FMNL2: variants seen among roughly 807,000 people sequenced by gnomAD.
FMNL2 encodes formin like 2, also known as formin-like protein 2.
FMNL2 carries 51 observed loss-of-function variants against 130.2 expected under a neutral mutation model. The observed-to-expected ratio is 0.39, with a 90% CI of 0.31 to 0.49. FMNL2 has a LOEUF of 0.49. FMNL2 is among the 20% of genes least tolerant of loss of function. The pLI is 0.85. For missense variants in FMNL2, 977 were observed against 1,316.2 expected (o/e 0.74, Z 3.99); for synonymous variants, 465 against 467.1 (o/e 1.00, Z 0.06).
chr2:152,396,654 A>G (rs1361054594), intron 1 of FMNL2, among the ~76,000 whole-genome samples: 15 of 152,136 alleles, frequency 9.9e-5, no homozygotes, highest in Non-Finnish European at 1.9e-4. Context: ...TATCCAGTTA[A>G]CAAGTATGTT....
intron 10 of FMNL2, 44 bp downstream of exon 10, chr2:152,607,457 C>CT (rs35268946): frequency 2.4e-6 from 3 of 1,257,190 alleles, no homozygotes; most frequent in South Asian, 2.5e-5. Context: ...AGTTTCAATA[C>CT]TTTTTTTCTA....
chr2:152,426,298 A>C (rs1034696227), intron 1 of FMNL2, among the ~76,000 whole-genome samples: 1 of 152,212 alleles, frequency 6.6e-6, no homozygotes, highest in African/African-American at 2.4e-5. Flanking sequence ...CAGACAGGGT[A>C]CTTGTGTATT....
intron 1 of FMNL2, among the ~76,000 whole-genome samples, chr2:152,452,828 A>T (rs777020445): frequency 4.3e-5 from 6 of 141,090 alleles, no homozygotes; most frequent in Non-Finnish European, 4.9e-5. Context: ...TAGCCATGGA[A>T]GCAGCAGTGT....
chr2:152,581,746 A>G (rs529698807), intron 9 of FMNL2, among the ~76,000 whole-genome samples: 20 of 152,298 alleles, frequency 1.3e-4, no homozygotes, highest in African/African-American at 3.8e-4. Flanking sequence ...CCCCTGGTAT[A>G]TGCCTGACAT....
At chr2:152,445,445 C>T (rs1471374124) in intron 1 of FMNL2, among the ~76,000 whole-genome samples, 1 of 152,154 alleles carries the variant, frequency 6.6e-6, no homozygotes, top group Non-Finnish European at 1.5e-5. Flanking sequence ...ATAATCTGTG[C>T]CGAGTAACCA....
At chr2:152,490,432 A>G (rs544136427) in intron 1 of FMNL2, among the ~76,000 whole-genome samples, 29 of 152,044 alleles carry the variant, frequency 1.9e-4, no homozygotes, top group South Asian at 2.1e-4. Context: ...ACAGTTTATG[A>G]TCTTCCCTAA....
rs748834592 is a variant in FMNL2 at position 152,578,868 on chromosome 2, T to A, written c.706-20T>A. On this transcript the variant is annotated intron_variant, in intron 7 of 25. Coordinates refer to ENST00000288670, the MANE Select transcript of FMNL2 (RefSeq NM_052905.4). ...TCTCCCAATGCTTTGTGTTTCTTTT[T>A]TTTTCCATGTTAATTTTAGTATGGT... 2.5e-6 allele frequency: 4 copies of A among 1,599,608 alleles called. No homozygotes were observed. In the South Asian group the frequency reaches 4.5e-5, roughly 18 times the overall value.
chr2:152,404,119 T>C (rs1017163539), intron 1 of FMNL2, among the ~76,000 whole-genome samples: 2 of 152,212 alleles, frequency 1.3e-5, no homozygotes, highest in African/African-American at 4.8e-5. Context: ...TATCAATCCA[T>C]ACCCCCCGCC....
At chr2:152,447,105 T>C (rs1688384242) in intron 1 of FMNL2, among the ~76,000 whole-genome samples, 1 of 152,148 alleles carries the variant, frequency 6.6e-6, no homozygotes, top group South Asian at 2.1e-4. Context: ...AACTCACTTT[T>C]TTTTTTTTTG....
At chr2:152,484,239 T>C (rs1579779956) in intron 1 of FMNL2, among the ~76,000 whole-genome samples, 1 of 152,222 alleles carries the variant, frequency 6.6e-6, no homozygotes, top group East Asian at 1.9e-4. Flanking sequence ...AAAATTACTT[T>C]AAATATTTGC....
intron 1 of FMNL2, among the ~76,000 whole-genome samples, chr2:152,396,775 T>A (rs761908892): frequency 2.0e-5 from 3 of 152,218 alleles, no homozygotes; most frequent in Non-Finnish European, 2.9e-5. Flanking sequence ...TGTCTTAAAT[T>A]CATGCTCATG....
At chr2:152,478,222 A>T (rs1268701051) in intron 1 of FMNL2, among the ~76,000 whole-genome samples, 2 of 128,916 alleles carry the variant, frequency 1.6e-5, no homozygotes, top group Non-Finnish European at 3.1e-5. Flanking sequence ...ATACGTATAC[A>T]TATATACATA....
chr2:152,561,017 G>A lies in FMNL2; in HGVS notation c.578G>A (p.Gly193Glu). 6.2e-7 allele frequency: 1 copy of A among 1,601,098 alleles called. No individual in the cohort carries two copies. The highest frequency in any genetic ancestry group is 8.5e-7 in the Non-Finnish European group (1 of 1,173,584). The change falls in exon 6 of 26, where the codon GGA becomes GAA. Residue 193 changes from glycine (G) to glutamate (E), a missense_variant. Gly to Glu is a moderately conservative substitution (Grantham distance 98, BLOSUM62 -2). Transcript: ENST00000288670. ...SPVGNSVSRS[G>E]RHSALRYNTL... ...GTGGGCAACAGTGTCTCCCGCTCTG[G>A]AAGACATTCTGCACTGCGGTGAGTT... is the stretch of plus-strand genomic sequence containing the variant.
intron 1 of FMNL2, 54 bp downstream of exon 1, chr2:152,335,774 C>A: frequency 7.8e-7 from 1 of 1,275,704 alleles, no homozygotes; most frequent in Non-Finnish European, 1.0e-6. Context: ...GGCCGGGCGG[C>A]GCAGCTGACC....
At position 152,613,583 on chromosome 2, in the gene FMNL2, G is replaced by A. The variant is rs187546684; in HGVS notation, c.1063-1268G>A. On this transcript the variant is annotated intron_variant, in intron 11 of 25. Transcript: ENST00000288670. ...AAAATCCATTTTTCTGAAAATTTAT[G>A]TAGAGTGGAATTTCTCTTAAAAATG... is the stretch of plus-strand genomic sequence containing the variant. Among the ~76,000 whole-genome samples the A allele has an allele frequency of 6.0e-4, 91 of 152,276 alleles. 1 individual carries two copies. The highest frequency in any genetic ancestry group is 5.8e-4 in the East Asian group (3 of 5,188).
chr2:152,622,443 A>T (rs1282277312), intron 15 of FMNL2: 1 of 456,308 alleles, frequency 2.2e-6, no homozygotes, highest in Non-Finnish European at 4.4e-6. Context: ...GAAGCATGAA[A>T]TTCTATGCTG....
intron 25 of FMNL2, chr2:152,643,777 T>A: frequency 1.0e-6 from 1 of 985,476 alleles, no homozygotes. Flanking sequence ...CATAGAATTG[T>A]TCACAGAAAT....
At chr2:152,468,584 C>T (rs1689682046) in intron 1 of FMNL2, among the ~76,000 whole-genome samples, 1 of 151,952 alleles carries the variant, frequency 6.6e-6, no homozygotes, top group African/African-American at 2.4e-5. Context: ...TGCATTTTTT[C>T]CCCTACTTCA....
intron 1 of FMNL2, among the ~76,000 whole-genome samples, chr2:152,425,065 C>G (rs1268935546): frequency 6.6e-6 from 1 of 152,164 alleles, no homozygotes; most frequent in African/African-American, 2.4e-5. Flanking sequence ...TTTAGCAAAC[C>G]TTCAAAATCA....
Sources: gnomAD v4.1 joint callset for allele counts (sites outside exome capture counted in the v4.1 genomes callset) on GRCh38, gnomAD v4.1.1 for gene constraint, MANE v1.5 for transcripts, NCBI Gene and HGNC (gene_info 2026-07-23, HGNC 2026-07-21) for gene names.